The following FGGY variants were observed in gnomAD, a reference collection of about 807,000 sequenced individuals.
The protein encoded by FGGY is FGGY carbohydrate kinase domain-containing protein.
In FGGY, 72 loss-of-function variants were observed where a neutral mutation model predicts 71.3. That is an observed-to-expected ratio of 1.01 (90% CI 0.84 to 1.23). The LOEUF is 1.23. Among genes scored for constraint, FGGY ranks in the 50% most tolerant of loss-of-function variants. The pLI, the probability that FGGY is intolerant of heterozygous loss-of-function variation, is 0.00. For missense variants in FGGY, 668 were observed against 682.3 expected, an observed-to-expected ratio of 0.98 and a Z score of 0.23; for synonymous variants, 251 against 250.3, an observed-to-expected ratio of 1.00 and a Z score of -0.02.
intron 9 of FGGY, among the ~76,000 whole-genome samples, chr1:59,625,306 A>G (rs2096845603): frequency 6.6e-6 from 1 of 152,254 alleles, no homozygotes; most frequent in East Asian, 1.9e-4. Flanking sequence ...AGAGCCACCA[A>G]GTGGATTAAG....
At chr1:59,525,081 A>G (rs1021018016) in intron 7 of FGGY, among the ~76,000 whole-genome samples, 1 of 152,154 alleles carries the variant, frequency 6.6e-6, no homozygotes, top group East Asian at 1.9e-4. Context: ...CCTCATCCAG[A>G]TGCGGGTGCC....
intron 5 of FGGY, among the ~76,000 whole-genome samples, chr1:59,391,497 G>A (rs549863974): frequency 3.3e-5 from 5 of 152,312 alleles, no homozygotes; most frequent in Admixed American, 6.5e-5. Context: ...TTGAGGCAAA[G>A]TCTGAGGAAG....
intron 13 of FGGY, among the ~76,000 whole-genome samples, chr1:59,672,403 G>A (rs549706040): frequency 5.3e-5 from 8 of 152,188 alleles, no homozygotes; most frequent in Non-Finnish European, 1.2e-4. Flanking sequence ...CACCTGTGTG[G>A]TACATCTTAT....
intron 4 of FGGY, among the ~76,000 whole-genome samples, chr1:59,374,981 G>A (rs1386267839): frequency 6.6e-6 from 1 of 151,134 alleles, no homozygotes; most frequent in East Asian, 2.0e-4. Flanking sequence ...CGAGTTAGTG[G>A]GTGCAGCGCA....
rs183845936 is a variant in FGGY at position 59,378,645 on chromosome 1, G to T, written c.466-104G>T. On this transcript the variant is annotated intron_variant, in intron 4 of 15. Coordinates refer to ENST00000303721, the MANE Select transcript of FGGY (RefSeq NM_018291.5). ...AGCTCCTGAACAGATGTTTCAATGG[G>T]CATTGTTGGCTATGCTTTTGTTTTG... The T allele has an allele frequency of 3.4e-6, 3 of 889,770 alleles. No homozygotes were observed. The Admixed American group carries it at 6.6e-5, about 19-fold the overall frequency. 55.1% of individuals were successfully genotyped at this position (889,770 alleles called of 1,614,324 possible). A position where few individuals can be genotyped will look rare whatever the true frequency, so the allele number is the denominator to read the frequency against.
At chr1:59,323,005 G>A (rs1300550959) in intron 2 of FGGY, among the ~76,000 whole-genome samples, 1 of 152,118 alleles carries the variant, frequency 6.6e-6, no homozygotes, top group Non-Finnish European at 1.5e-5. Context: ...AGTGCCCCCG[G>A]AGAAGAAGGC....
In FGGY at chr1:59,435,717, C is replaced by G. The variant is rs866310352; in HGVS notation, c.555-21244C>G. Among the ~76,000 whole-genome samples the G allele has an allele frequency of 6.4e-4, 96 of 150,736 alleles. No individual in the cohort carries two copies. The Middle Eastern group carries it at 0.02, about 32-fold the overall frequency. ...GGGTCACTTTCTTCTTTGCCACTTG[C>G]TTATTTCCTTCCTCACGTGTGTGCC... On this transcript the variant is annotated intron_variant, in intron 5 of 15. Transcript: ENST00000303721.
chr1:59,473,125 C>G (rs556376627), intron 6 of FGGY, among the ~76,000 whole-genome samples: 2 of 152,180 alleles, frequency 1.3e-5, no homozygotes. Context: ...TGTTCTTTCT[C>G]TCTTTGCAAT....
At chr1:59,522,124 T>C (rs2094850695) in intron 7 of FGGY, among the ~76,000 whole-genome samples, 1 of 152,218 alleles carries the variant, frequency 6.6e-6, no homozygotes, top group Non-Finnish European at 1.5e-5. Flanking sequence ...ACAACCACAC[T>C]GTGAGCTACA....
At chr1:59,544,556 T>G (rs1310995175) in intron 7 of FGGY, among the ~76,000 whole-genome samples, 2 of 152,158 alleles carry the variant, frequency 1.3e-5, no homozygotes, top group Admixed American at 1.3e-4. Flanking sequence ...CCTCTATGAT[T>G]TTCTCAGATA....
At position 59,300,687 on chromosome 1, in the gene FGGY, G is replaced by GTT. The variant is rs35505946; in HGVS notation, c.-15+3546_-15+3547dup. Among the ~76,000 whole-genome samples the GTT allele has an allele frequency of 8.5e-4, 128 of 149,862 alleles. No homozygotes were observed. The Middle Eastern group carries it at 0.01, about 12-fold the overall frequency. On this transcript the variant is annotated intron_variant, in intron 1 of 15. Coordinates refer to ENST00000303721, the MANE Select transcript of FGGY (RefSeq NM_018291.5). ...TATAGGACATGAAATATGGAATCAA[G>GTT]TTTTTTTTTTGCATATGGCTATCCA...
At chr1:59,707,909 T>A (rs2097767847) in intron 14 of FGGY, among the ~76,000 whole-genome samples, 1 of 152,228 alleles carries the variant, frequency 6.6e-6, no homozygotes, top group South Asian at 2.1e-4. Flanking sequence ...ACCCACTTGC[T>A]ACAGAATATG....
intron 6 of FGGY, among the ~76,000 whole-genome samples, chr1:59,509,274 G>A (rs977270151): frequency 2.6e-5 from 4 of 152,000 alleles, no homozygotes; most frequent in East Asian, 1.9e-4. Context: ...CTACATCTCC[G>A]TTACCAATAT....
chr1:59,592,509 A>T (rs922407190), intron 8 of FGGY, among the ~76,000 whole-genome samples: 2 of 152,200 alleles, frequency 1.3e-5, no homozygotes, highest in African/African-American at 4.8e-5. Context: ...TGCACTATTC[A>T]CAATAGCAAA....
intron 7 of FGGY, among the ~76,000 whole-genome samples, chr1:59,536,989 C>T (rs2095333929): frequency 6.6e-6 from 1 of 152,008 alleles, no homozygotes; most frequent in Non-Finnish European, 1.5e-5. Context: ...GTTGGAAGTT[C>T]TGGCCAGGGC....
chr1:59,618,024 G>A, intron 9 of FGGY, among the ~76,000 whole-genome samples: 1 of 152,064 alleles, frequency 6.6e-6, no homozygotes, highest in East Asian at 1.9e-4. Context: ...TACAGATTAT[G>A]GAGATAATGA....
In FGGY at chr1:59,540,671, T is replaced by A. The variant is rs1281903643; in HGVS notation, c.800-13453T>A. ...TGTAGCTTTTTAATGTAGGTTATAC[T>A]TCATTGATAAGGTTTATTAAAAATA... On this transcript the variant is annotated intron_variant, in intron 7 of 15. Coordinates refer to ENST00000303721, the MANE Select transcript of FGGY (RefSeq NM_018291.5). 8.5e-5 allele frequency among the ~76,000 whole-genome samples: 13 copies of A among 152,332 alleles called. No homozygotes were observed. The East Asian group carries it at 2.3e-3, about 27-fold the overall frequency.
At chr1:59,725,243 C>T (rs2097932702) in intron 14 of FGGY, among the ~76,000 whole-genome samples, 1 of 152,142 alleles carries the variant, frequency 6.6e-6, no homozygotes, top group African/African-American at 2.4e-5. Context: ...TACCTTTACT[C>T]CTTTGTCAAA....
chr1:59,510,636 G>C (rs796358713), intron 6 of FGGY, among the ~76,000 whole-genome samples: 19 of 152,224 alleles, frequency 1.2e-4, no homozygotes, highest in African/African-American at 4.3e-4. Flanking sequence ...AAATTTTTTA[G>C]TAGCCATGCT....
Sources: allele counts gnomAD v4.1 joint callset (sites outside exome capture counted in the v4.1 genomes callset), GRCh38; gene constraint gnomAD v4.1.1; transcripts MANE v1.5; gene names NCBI Gene and HGNC (gene_info 2026-07-23, HGNC 2026-07-21).